SLC41A2: variants seen among roughly 807,000 people sequenced by gnomAD.
The protein encoded by SLC41A2 is SLC41A1-like 1.
In SLC41A2, 32 loss-of-function variants were observed where a neutral mutation model predicts 58.3. The observed-to-expected ratio is 0.55, with a 90% CI of 0.41 to 0.74. The LOEUF is 0.74. Among genes scored for constraint, SLC41A2 ranks in the 30% least tolerant of loss-of-function variants. The probability of loss-of-function intolerance (pLI) is 0.00; values close to 1 mark genes in which losing one functional copy is unlikely to be tolerated. For missense variants in SLC41A2, 514 were observed against 680.6 expected, an observed-to-expected ratio of 0.76 and a Z score of 2.72; for synonymous variants, 190 against 235.0, an observed-to-expected ratio of 0.81 and a Z score of 1.75.
intron 5 of SLC41A2, among the ~76,000 whole-genome samples, chr12:104,887,557 A>G (rs931862061): frequency 6.6e-6 from 1 of 151,962 alleles, no homozygotes; most frequent in Non-Finnish European, 1.5e-5. Context: ...AAAAAAAGCT[A>G]TAGCAGAAAA....
chr12:104,877,254 C>G (rs974808015), intron 6 of SLC41A2, among the ~76,000 whole-genome samples: 1 of 152,148 alleles, frequency 6.6e-6, no homozygotes, highest in African/African-American at 2.4e-5. Flanking sequence ...TCTTTGTATT[C>G]AGAATAAAAA....
At chr12:104,898,848 A>G (rs2135721074) in intron 3 of SLC41A2, among the ~76,000 whole-genome samples, 1 of 152,344 alleles carries the variant, frequency 6.6e-6, no homozygotes. Context: ...TCACCAAAGA[A>G]GACATACAAA....
At chr12:104,889,248 A>C (rs1270921593) in intron 4 of SLC41A2, 71 bp from the exon 5 acceptor site, 2 of 1,453,608 alleles carry the variant, frequency 1.4e-6, no homozygotes. Context: ...TGATTATGTA[A>C]ATATTACTAC....
intron 2 of SLC41A2, among the ~76,000 whole-genome samples, chr12:104,912,248 G>A (rs1297084776): frequency 6.6e-6 from 1 of 152,166 alleles, no homozygotes; most frequent in Non-Finnish European, 1.5e-5. Flanking sequence ...ACAAAGTGAT[G>A]TCTTTGTGTA....
intron 6 of SLC41A2, among the ~76,000 whole-genome samples, chr12:104,878,924 C>T (rs2044206761): frequency 6.6e-6 from 1 of 152,182 alleles, no homozygotes; most frequent in Admixed American, 6.5e-5. Flanking sequence ...TTTACACTCC[C>T]ACCAACAGTG....
At chr12:104,820,913 G>A (rs190446090) in intron 10 of SLC41A2, among the ~76,000 whole-genome samples, 1 of 152,216 alleles carries the variant, frequency 6.6e-6, no homozygotes, top group South Asian at 2.1e-4. Flanking sequence ...CCAAAGTGCT[G>A]GGATTACAGG....
intron 6 of SLC41A2, among the ~76,000 whole-genome samples, chr12:104,873,323 T>C (rs1445445414): frequency 1.3e-5 from 2 of 152,258 alleles, no homozygotes; most frequent in African/African-American, 2.4e-5. Context: ...TGACATATAA[T>C]GTCTTCCAGG....
At chr12:104,905,951 AG>A (rs2045826502) in intron 3 of SLC41A2, among the ~76,000 whole-genome samples, 1 of 152,220 alleles carries the variant, frequency 6.6e-6, no homozygotes, top group South Asian at 2.1e-4. Flanking sequence ...CAGCCCAGAA[AG>A]GGGCTCCCAC....
rs1474060792 is a variant in SLC41A2 at position 104,803,442 on chromosome 12, C to CA, written c.*1709dup. 1.3e-5 allele frequency: 2 copies of CA among 152,038 alleles called. No individual in the cohort carries two copies. The highest frequency in any genetic ancestry group is 1.9e-4 in the East Asian group (1 of 5,176). 9.4% of individuals were successfully genotyped at this position (152,038 alleles called of 1,614,324 possible). A position where few individuals can be genotyped will look rare whatever the true frequency, so the allele number is the denominator to read the frequency against. ...GGAATAATTGAAGTTTAAAAATAAG[C>CA]AAAAATATATAACTCTAAACCACAG... On this transcript the variant is annotated 3_prime_UTR_variant, in exon 11 of 11. Coordinates refer to ENST00000258538, the MANE Select transcript of SLC41A2 (RefSeq NM_001352171.3).
intron 8 of SLC41A2, among the ~76,000 whole-genome samples, chr12:104,846,395 C>T (rs978197811): frequency 1.3e-5 from 2 of 152,120 alleles, no homozygotes; most frequent in Non-Finnish European, 2.9e-5. Context: ...TACTCATTAC[C>T]CTCTCACATA....
At chr12:104,840,453 G>A (rs1340995279) in intron 10 of SLC41A2, among the ~76,000 whole-genome samples, 1 of 152,224 alleles carries the variant, frequency 6.6e-6, no homozygotes, top group Non-Finnish European at 1.5e-5. Context: ...CATAAATGCT[G>A]ACTGATGGTA....
At chr12:104,824,253 C>T (rs73396159) in intron 10 of SLC41A2, among the ~76,000 whole-genome samples, 5 of 151,982 alleles carry the variant, frequency 3.3e-5, no homozygotes. Flanking sequence ...ATAAACCCCC[C>T]CGAGACCCCA....
rs71440558 is a variant in SLC41A2, at chr12:104,897,144, C to CTTTTTTTT, written c.664-1807_664-1800dup. Among the ~76,000 whole-genome samples, 379 of 120,160 alleles carry CTTTTTTTT rather than the reference C, an allele frequency of 3.2e-3. 1 individual carries two copies. Among genetic ancestry groups the CTTTTTTTT allele is most frequent in the Non-Finnish European group, 3.9e-3 (233 of 59,830 alleles). The allele number at this position is 120,160 out of a possible 152,430, so 78.8% of individuals were successfully genotyped here. A position where few individuals can be genotyped will look rare whatever the true frequency, so the allele number is the denominator to read the frequency against. Reference sequence around the variant, plus strand: ...ACCCAGAGTGACACTTTTCTTTTTTCTTTTTTTTTTTTTTTTTTTGAGACA... The same window carrying CTTTTTTTT: ...ACCCAGAGTGACACTTTTCTTTTTTCTTTTTTTTTTTTTTTTTTTTTTTTTTTGAGACA... On this transcript the variant is annotated intron_variant, in intron 3 of 10. Transcript: ENST00000258538.
At chr12:104,818,192 A>C (rs944508654) in intron 10 of SLC41A2, among the ~76,000 whole-genome samples, 2 of 152,236 alleles carry the variant, frequency 1.3e-5, no homozygotes, top group Non-Finnish European at 2.9e-5. Context: ...TAGACATGAA[A>C]TGAAACAAGA....
chr12:104,844,774 ATTCAT>A (rs1208727451), intron 9 of SLC41A2, among the ~76,000 whole-genome samples, 154 bp from the exon 10 acceptor site: 1 of 152,214 alleles, frequency 6.6e-6, no homozygotes, highest in Non-Finnish European at 1.5e-5. Context: ...AGTAGTTACA[ATTCAT>A]TTCATTCTCT....
chr12:104,889,037 C>T lies in SLC41A2; in HGVS notation c.876G>A (p.Leu292=). Residue 292 remains leucine, a synonymous_variant, in exon 5 of 11, where the codon CTG becomes CTA. Coordinates refer to ENST00000258538, the MANE Select transcript of SLC41A2 (RefSeq NM_001352171.3). ...SVATAFIASL[L]QGIIMVGVIV... The stretch of plus-strand genomic sequence containing the variant: ...GACATTTATAAATTCACTTACCCTG[C>T]AGAAGAGATGCAATGAAGGCAGTTG... 6.3e-7 allele frequency: 1 copy of T among 1,586,026 alleles called. No individual in the cohort carries two copies. The highest frequency in any genetic ancestry group is 8.5e-7 in the Non-Finnish European group (1 of 1,172,878).
rs2047588284 is a variant in SLC41A2, at chr12:104,943,425, G to C, written c.-168+14663C>G. Among the ~76,000 whole-genome samples, 8 of 152,142 alleles carry C rather than the reference G, an allele frequency of 5.3e-5. No individual in the cohort carries two copies. The South Asian group carries it at 1.5e-3, about 28-fold the overall frequency. ...GCTATAATATTGCTCCTCCTCTTTCGACCCTGTATCTTTAACCTCCTTGTT... is the reference window on the plus strand; with the variant it reads ...GCTATAATATTGCTCCTCCTCTTTCCACCCTGTATCTTTAACCTCCTTGTT... On this transcript the variant is annotated intron_variant, in intron 1 of 10. Transcript: ENST00000258538.
At chr12:104,870,721 T>A (rs1306739654) in intron 6 of SLC41A2, among the ~76,000 whole-genome samples, 1 of 152,244 alleles carries the variant, frequency 6.6e-6, no homozygotes, top group Non-Finnish European at 1.5e-5. Flanking sequence ...ATTTCCCAAC[T>A]GCTGTTATAT....
intron 10 of SLC41A2, chr12:104,834,097 G>A (rs1186177067): frequency 1.0e-6 from 1 of 985,212 alleles, no homozygotes; most frequent in East Asian, 1.1e-4. Context: ...TCACCTCACA[G>A]GAATCAAGCA....
Sources: allele counts gnomAD v4.1 joint callset (sites outside exome capture counted in the v4.1 genomes callset), GRCh38; gene constraint gnomAD v4.1.1; transcripts MANE v1.5; gene names NCBI Gene and HGNC (gene_info 2026-07-23, HGNC 2026-07-21).